The following SEC31A variants were observed in gnomAD, a reference collection of about 807,000 sequenced individuals.
SEC31A encodes protein transport protein Sec31A.
Under a neutral mutation model 151.0 loss-of-function variants are expected in SEC31A, and 70 were observed. That is an observed-to-expected ratio of 0.46 (90% confidence interval 0.38 to 0.57). The LOEUF is 0.57. SEC31A is among the 20% of genes least tolerant of loss of function. SEC31A has a pLI of 0.00. For synonymous variants in SEC31A, 475 were observed against 505.9 expected (o/e 0.94, Z 0.82); for missense variants, 1,330 against 1,471.2 (o/e 0.90, Z 1.57).
At chr4:82,820,163 C>T (rs1236046755) in intron 26 of SEC31A, among the ~76,000 whole-genome samples, 53 of 96,980 alleles carry the variant, frequency 5.5e-4, no homozygotes, top group African/African-American at 2.1e-3. Context: ...GAAATGCGGT[C>T]TTGCTATGTT....
chr4:82,828,959 T>A, intron 23 of SEC31A, 41 bp downstream of exon 23: 1 of 1,545,184 alleles, frequency 6.5e-7, no homozygotes, highest in Middle Eastern at 1.7e-4. Flanking sequence ...GTGGTTAACA[T>A]AACATCTGTA....
chr4:82,859,766 T>C (rs1400524281), intron 14 of SEC31A, among the ~76,000 whole-genome samples: 1 of 150,920 alleles, frequency 6.6e-6, no homozygotes, highest in Non-Finnish European at 1.5e-5. Context: ...TCTAATTACA[T>C]TCATTAACAA....
intron 22 of SEC31A, among the ~76,000 whole-genome samples, chr4:82,835,590 G>A (rs1425552784): frequency 6.6e-6 from 1 of 152,174 alleles, no homozygotes; most frequent in Admixed American, 6.5e-5. Flanking sequence ...GAGGTCAGGA[G>A]TTCGAGACTA....
At chr4:82,846,868 C>T (rs958863858) in intron 20 of SEC31A, among the ~76,000 whole-genome samples, 3 of 152,094 alleles carry the variant, frequency 2.0e-5, no homozygotes, top group Admixed American at 6.6e-5. Context: ...GCATGCGCCA[C>T]CATGCCAGCT....
intron 1 of SEC31A, among the ~76,000 whole-genome samples, chr4:82,890,542 C>T (rs539436810): frequency 6.6e-6 from 1 of 152,312 alleles, no homozygotes; most frequent in Admixed American, 6.5e-5. Context: ...TTAGCAAAAA[C>T]ATGTAACACT....
rs397994259 is a variant in SEC31A at position 82,828,673 on chromosome 4, C to CAAAAAAAAAA, written c.3027+317_3027+326dup. Among the ~76,000 whole-genome samples, 319 of 44,060 alleles carry CAAAAAAAAAA rather than the reference C, an allele frequency of 7.2e-3. 1 individual carries two copies. The highest frequency in any genetic ancestry group is 0.012 in the East Asian group (13 of 1,102). The allele number at this position is 44,060 out of a possible 152,430, so 28.9% of individuals were successfully genotyped here. A position where few individuals can be genotyped will look rare whatever the true frequency, so the allele number is the denominator to read the frequency against. ...GTAGAACCCAAAGACCAAAGTAACT[C>CAAAAAAAAAA]AAAAAAAAAAAAAAAAAAAAAAAAG... On this transcript the variant is annotated intron_variant, in intron 23 of 26. Coordinates refer to ENST00000395310, the MANE Select transcript of SEC31A (RefSeq NM_001077207.4).
chr4:82,898,081 T>C (rs1019028445), intron 3 of SEC31A: 3 of 152,262 alleles, frequency 2.0e-5, no homozygotes, highest in Non-Finnish European at 4.4e-5. Context: ...AGATATTTTC[T>C]TTTAAAATTT....
intron 2 of SEC31A, among the ~76,000 whole-genome samples, chr4:82,881,494 A>C (rs1739310020): frequency 6.6e-6 from 1 of 152,094 alleles, no homozygotes; most frequent in African/African-American, 2.4e-5. Flanking sequence ...GATTTACTAT[A>C]TCTGCTTATA....
intron 3 of SEC31A, 83 bp from the exon 4 acceptor site, chr4:82,879,011 T>TA: frequency 9.7e-7 from 1 of 1,036,058 alleles, no homozygotes; most frequent in Non-Finnish European, 1.4e-6. Flanking sequence ...ACTTAATTTT[T>TA]AATGTTTTCA....
At chr4:82,852,439 A>G (rs1457920110) in intron 18 of SEC31A, among the ~76,000 whole-genome samples, 1 of 152,186 alleles carries the variant, frequency 6.6e-6, no homozygotes, top group Non-Finnish European at 1.5e-5. Context: ...TCAATACCAA[A>G]TCTTTCCACA....
chr4:82,824,240 G>C (rs1183196399), intron 25 of SEC31A, among the ~76,000 whole-genome samples: 4 of 152,146 alleles, frequency 2.6e-5, no homozygotes, highest in Non-Finnish European at 5.9e-5. Flanking sequence ...CGGAGTCTCT[G>C]TCACCCAGGC....
At chr4:82,865,510 CA>C (rs1735104840) in intron 10 of SEC31A, among the ~76,000 whole-genome samples, 1 of 124,884 alleles carries the variant, frequency 8.0e-6, no homozygotes, top group Non-Finnish European at 1.8e-5. Flanking sequence ...AAATGACCAT[CA>C]AATGAATGGA....
intron 21 of SEC31A, chr4:82,842,815 G>A (rs1174915462): frequency 4.7e-6 from 1 of 213,066 alleles, no homozygotes; most frequent in African/African-American, 2.3e-5. Flanking sequence ...GATGGAACCA[G>A]GGAGGAATTA....
intron 19 of SEC31A, among the ~76,000 whole-genome samples, chr4:82,850,028 C>T (rs1731152959): frequency 6.6e-6 from 1 of 151,494 alleles, no homozygotes; most frequent in Non-Finnish European, 1.5e-5. Context: ...CGTATTCCCC[C>T]CACCAAAAAA....
At position 82,819,767 on chromosome 4, in the gene SEC31A, A is replaced by ATT. The variant is rs70943155; in HGVS notation, c.3484-516_3484-515dup. On this transcript the variant is annotated intron_variant, in intron 26 of 26. Transcript: ENST00000395310. ...ATACTTTACAGAAGACTTTATTTGG[A>ATT]TTTTTTTTTTTTGAGATGGAGTCTC... 6.8e-5 allele frequency among the ~76,000 whole-genome samples: 10 copies of ATT among 147,512 alleles called. No homozygotes were observed. The East Asian group carries it at 7.9e-4, about 12-fold the overall frequency.
chr4:82,832,358 G>A (rs1433764327), intron 22 of SEC31A, among the ~76,000 whole-genome samples: 1 of 152,128 alleles, frequency 6.6e-6, no homozygotes, highest in Non-Finnish European at 1.5e-5. Context: ...CTAGCCATAT[G>A]CAGAAAACTG....
At chr4:82,874,221 C>A (rs1737416075) in intron 6 of SEC31A, among the ~76,000 whole-genome samples, 1 of 151,844 alleles carries the variant, frequency 6.6e-6, no homozygotes, top group Non-Finnish European at 1.5e-5. Flanking sequence ...GTGCTTGAAC[C>A]CAGGAGGCAG....
chr4:82,851,672 C>G lies in SEC31A; in HGVS notation c.2155-68G>C, dbSNP rs1048761748. On this transcript the variant is annotated intron_variant, in intron 18 of 26. Coordinates refer to ENST00000395310, the MANE Select transcript of SEC31A (RefSeq NM_001077207.4). ...TGTATGAGAGGAAGCAGGAAAAGAT[C>G]AAGAGTTACTAAGATTTCTAAAACC... The G allele has an allele frequency of 2.2e-6, 3 of 1,346,932 alleles. No homozygotes were observed. In the African/African-American group the frequency reaches 4.4e-5, roughly 20 times the overall value. The allele number at this position is 1,346,932 out of a possible 1,614,324, so 83.4% of individuals were successfully genotyped here.
chr4:82,828,926 T>C (rs1725270436), intron 23 of SEC31A, 74 bp downstream of exon 23: 3 of 1,131,298 alleles, frequency 2.7e-6, no homozygotes, highest in Non-Finnish European at 4.0e-6. Flanking sequence ...ATCAGTGAAG[T>C]ATAGTGTGTT....
Sources: allele counts gnomAD v4.1 joint callset (sites outside exome capture counted in the v4.1 genomes callset), GRCh38; gene constraint gnomAD v4.1.1; transcripts MANE v1.5; gene names NCBI Gene and HGNC (gene_info 2026-07-23, HGNC 2026-07-21).